HS3ST1: variants seen among roughly 807,000 people sequenced by gnomAD.
The protein encoded by HS3ST1 is heparan sulfate glucosamine 3-O-sulfotransferase 1.
HS3ST1 carries 8 observed loss-of-function variants against 20.7 expected under a neutral mutation model. The observed-to-expected ratio is 0.39, with a 90% CI of 0.23 to 0.70. The LOEUF is 0.70. Among genes scored for constraint, HS3ST1 ranks in the 30% least tolerant of loss-of-function variants. The probability of loss-of-function intolerance (pLI) is 0.46; values close to 1 mark genes in which losing one functional copy is unlikely to be tolerated. For missense variants in HS3ST1, 436 were observed against 423.4 expected (o/e 1.03, Z -0.26); for synonymous variants, 205 against 190.4 (o/e 1.08, Z -0.63).
Position 11,399,692 on chromosome 4 carries a change from C to T in HS3ST1, c.314G>A (p.Ser105Asn). ...HYSHGLGWYL[S>N]QMPFSWPHQL... ...GTGTGGCCAGGAGAAGGGCATCTGG[C>T]TGAGGTACCAGCCCAAGCCGTGGCT... is the stretch of plus-strand genomic sequence containing the variant. The change falls in exon 2 of 2, where the codon AGC (serine) becomes AAC (asparagine). Residue 105 changes from serine (S) to asparagine (N), a missense_variant. Ser to Asn is a conservative substitution (Grantham distance 46). Transcript: ENST00000002596. The surrounding 1 kb of genome is among the most constrained non-coding windows in gnomAD (Gnocchi z 5.1). 6.2e-7 allele frequency: 1 copy of T among 1,613,888 alleles called. No homozygotes were observed. Among genetic ancestry groups the T allele is most frequent in the Non-Finnish European group, 8.5e-7 (1 of 1,180,032 alleles).
rs1356599403 is a variant in HS3ST1, at chr4:11,395,201, A to C, written c.*3881T>G. 1.3e-5 allele frequency: 2 copies of C among 152,000 alleles called. No homozygotes were observed. The highest frequency in any genetic ancestry group is 2.9e-5 in the Non-Finnish European group (2 of 68,004). The allele number at this position is 152,000 out of a possible 1,614,324, so 9.4% of individuals were successfully genotyped here. A position where few individuals can be genotyped will look rare whatever the true frequency, so the allele number is the denominator to read the frequency against. The stretch of plus-strand genomic sequence containing the variant: ...CAGCTTTATGGCAATTCCTCCATGA[A>C]GCCTTCCCACAGGAAGGTCAGGGTC... On this transcript the variant is annotated 3_prime_UTR_variant, in exon 2 of 2. Transcript: ENST00000002596.
At chr4:11,405,927 A>G (rs1021988082) in intron 1 of HS3ST1, among the ~76,000 whole-genome samples, 3 of 152,244 alleles carry the variant, frequency 2.0e-5, no homozygotes, top group African/African-American at 7.2e-5. Context: ...ATGAAATGAA[A>G]TAACTAGGAT....
intron 1 of HS3ST1, among the ~76,000 whole-genome samples, chr4:11,402,912 G>GA (rs1458840070): frequency 6.6e-6 from 1 of 152,166 alleles, no homozygotes; most frequent in Non-Finnish European, 1.5e-5. Flanking sequence ...CTTTATGAAA[G>GA]AAAATAACAA....
At chr4:11,429,087 G>A (rs932390320), upstream of HS3ST1, 1 of 152,472 alleles carries the variant, frequency 6.6e-6, no homozygotes, top group Non-Finnish European at 1.5e-5. Context: ...TAGGTGCCTG[G>A]TGCTCCGCTC....
intron 1 of HS3ST1, among the ~76,000 whole-genome samples, chr4:11,411,340 G>A (rs1257892216): frequency 2.0e-5 from 3 of 152,120 alleles, no homozygotes; most frequent in African/African-American, 7.2e-5. Context: ...ATAGTACATG[G>A]TTCTTTCCTC....
At chr4:11,412,814 C>G (rs1283635398) in intron 1 of HS3ST1, among the ~76,000 whole-genome samples, 2 of 152,176 alleles carry the variant, frequency 1.3e-5, no homozygotes, top group Non-Finnish European at 2.9e-5. Context: ...AAGCATTATA[C>G]TCCTACGGAC....
chr4:11,430,353 A>G (rs1223498009), upstream of HS3ST1, among the ~76,000 whole-genome samples: 1 of 152,228 alleles, frequency 6.6e-6, no homozygotes, highest in Non-Finnish European at 1.5e-5. Context: ...TGAAAGCCTT[A>G]GCATTTAAAC....
At chr4:11,410,865 C>G (rs1230244375) in intron 1 of HS3ST1, among the ~76,000 whole-genome samples, 1 of 151,756 alleles carries the variant, frequency 6.6e-6, no homozygotes, top group Admixed American at 6.6e-5. Context: ...GCACTCCAGC[C>G]TGGGCAACAG....
chr4:11,399,365 A>C lies in HS3ST1; in HGVS notation c.641T>G (p.Ile214Ser), dbSNP rs1483835369. ...LRFFPLRHIH[I>S]VDGDRLIRDP... The stretch of plus-strand genomic sequence containing the variant: ...CCTGATGAGGCGGTCGCCGTCCACA[A>C]TGTGGATGTGGCGCAGCGGGAAAAA... Residue 214 changes from isoleucine (I) to serine (S), a missense_variant, in exon 2 of 2, where the codon ATT (isoleucine) becomes AGT (serine). Transcript: ENST00000002596. This position sits in a 1 kb window ranked among gnomAD's most constrained non-coding sequence, Gnocchi z 5.1. 6.2e-7 allele frequency: 1 copy of C among 1,613,910 alleles called. No individual in the cohort carries two copies. Among genetic ancestry groups the C allele is most frequent in the Non-Finnish European group, 8.5e-7 (1 of 1,180,020 alleles).
intron 1 of HS3ST1, chr4:11,414,128 G>T (rs1238111415): frequency 6.6e-6 from 1 of 152,174 alleles, no homozygotes; most frequent in Non-Finnish European, 1.5e-5. Context: ...AGCTTCTGCA[G>T]TCAGGCACTT....
At chr4:11,426,371 C>CG (rs1032435678) in intron 1 of HS3ST1, among the ~76,000 whole-genome samples, 44 of 151,570 alleles carry the variant, frequency 2.9e-4, no homozygotes, top group African/African-American at 3.2e-4. Flanking sequence ...AGGCCCCCCC[C>CG]CCAACCCTCA....
At position 11,396,105 on chromosome 4, in the gene HS3ST1, A is replaced by G. The variant is rs1312124517; in HGVS notation, c.*2977T>C. ...GACACCACCCCTGTAAGCAGCAGGCACGCTAGGCATCGGCCTCTCCTGCCC... is the reference window on the plus strand; with the variant it reads ...GACACCACCCCTGTAAGCAGCAGGCGCGCTAGGCATCGGCCTCTCCTGCCC... On this transcript the variant is annotated 3_prime_UTR_variant, in exon 2 of 2. Transcript: ENST00000002596. The G allele has an allele frequency of 2.0e-5, 3 of 152,246 alleles. No individual in the cohort carries two copies. Among genetic ancestry groups the G allele is most frequent in the African/African-American group, 4.8e-5 (2 of 41,462 alleles). 9.4% of individuals were successfully genotyped at this position (152,246 alleles called of 1,614,324 possible).
upstream of HS3ST1, among the ~76,000 whole-genome samples, chr4:11,432,241 A>G (rs924026589): frequency 6.6e-5 from 10 of 152,114 alleles, no homozygotes; most frequent in African/African-American, 9.7e-5. Flanking sequence ...CTCAGACTCA[A>G]TGGGGTTTTA....
chr4:11,400,541 C>A (rs1718296264), intron 1 of HS3ST1, among the ~76,000 whole-genome samples: 1 of 152,056 alleles, frequency 6.6e-6, no homozygotes, highest in Admixed American at 6.5e-5. Context: ...GGTTTGCCTC[C>A]CTAGTCAGAG....
chr4:11,430,391 TC>T (rs534492197), upstream of HS3ST1, among the ~76,000 whole-genome samples: 14 of 152,228 alleles, frequency 9.2e-5, no homozygotes, highest in Non-Finnish European at 1.9e-4. Context: ...GAAGGGCTTT[TC>T]TCCCCCATTA....
At chr4:11,430,605 C>A (rs896413294), upstream of HS3ST1, among the ~76,000 whole-genome samples, 6 of 152,064 alleles carry the variant, frequency 3.9e-5, no homozygotes, top group African/African-American at 9.7e-5. Context: ...GCTTTGGTGC[C>A]ATAGTATGAA....
Position 11,399,393 on chromosome 4 carries a change from G to A in HS3ST1, c.613C>T (p.Arg205Cys), listed in dbSNP as rs199568780. ...TGGATGTGGCGCAGCGGGAAAAAGC[G>A]CAGCCAGTTCTGCATGTGCACGTGG... ...LYHVHMQNWL[R>C]FFPLRHIHIV... Residue 205 changes from arginine (R) to cysteine (C), a missense_variant, in exon 2 of 2, where the codon CGC becomes TGC. Arg to Cys is a radical substitution (Grantham distance 180). Transcript: ENST00000002596. This position sits in a 1 kb window ranked among gnomAD's most constrained non-coding sequence, Gnocchi z 5.1. The A allele has an allele frequency of 2.0e-5, 32 of 1,614,028 alleles. No homozygotes were observed. The East Asian group carries it at 6.9e-4, about 35-fold the overall frequency.
Position 11,393,838 on chromosome 4 carries a change from A to T in HS3ST1, c.*5244T>A, listed in dbSNP as rs1297030336. The T allele has an allele frequency of 1.3e-5, 2 of 152,236 alleles. No homozygotes were observed. The highest frequency in any genetic ancestry group is 4.8e-5 in the African/African-American group (2 of 41,440). 9.4% of individuals were successfully genotyped at this position (152,236 alleles called of 1,614,324 possible). A position where few individuals can be genotyped will look rare whatever the true frequency, so the allele number is the denominator to read the frequency against. On this transcript the variant is annotated 3_prime_UTR_variant, in exon 2 of 2. Coordinates refer to ENST00000002596, the MANE Select transcript of HS3ST1 (RefSeq NM_005114.4). ...GGAAAGCAGGGGAGTGGGGTGGACA[A>T]CATTTCTCAGGCATCTTCAGGTAAG...
chr4:11,409,468 TATA>T (rs1718559999), intron 1 of HS3ST1, among the ~76,000 whole-genome samples: 1 of 152,110 alleles, frequency 6.6e-6, no homozygotes, highest in African/African-American at 2.4e-5. Context: ...TTGGTGTCCT[TATA>T]AGAAGAGGAA....
Sources: allele counts gnomAD v4.1 joint callset (sites outside exome capture counted in the v4.1 genomes callset), GRCh38; gene constraint gnomAD v4.1.1; non-coding constraint Gnocchi (gnomAD v3.1); transcripts MANE v1.5; gene names NCBI Gene and HGNC (gene_info 2026-07-23, HGNC 2026-07-21).